Variants in ASIC2 observed in about 807,000 individuals in gnomAD.
ASIC2 encodes the protein acid sensing ion channel subunit 2, also known as acid-sensing ion channel 2.
Under a neutral mutation model 57.3 loss-of-function variants are expected in ASIC2, and 25 were observed. The observed-to-expected ratio is 0.44, with a 90% CI of 0.32 to 0.61. ASIC2 has a LOEUF of 0.61. Among genes scored for constraint, ASIC2 ranks in the 20% least tolerant of loss-of-function variants. ASIC2 has a pLI of 0.06. For missense variants in ASIC2, 641 were observed against 738.1 expected (o/e 0.87, Z 1.52); for synonymous variants, 319 against 307.5 (o/e 1.04, Z -0.39).
chr17:33,881,019 A>G (rs1241183728), intron 1 of ASIC2, among the ~76,000 whole-genome samples: 2 of 152,234 alleles, frequency 1.3e-5, no homozygotes, highest in Non-Finnish European at 2.9e-5. Flanking sequence ...CCACATGATT[A>G]TCTCAATAGA....
At chr17:33,964,753 A>G (rs1275142637) in intron 1 of ASIC2, among the ~76,000 whole-genome samples, 1 of 152,166 alleles carries the variant, frequency 6.6e-6, no homozygotes, top group Non-Finnish European at 1.5e-5. Context: ...AAGTTTGTTG[A>G]TAATAGCTTA....
At chr17:33,771,751 A>G (rs1911120580) in intron 1 of ASIC2, among the ~76,000 whole-genome samples, 1 of 152,214 alleles carries the variant, frequency 6.6e-6, no homozygotes, top group African/African-American at 2.4e-5. Context: ...TAATGATTGT[A>G]CATATTTCTG....
intron 1 of ASIC2, among the ~76,000 whole-genome samples, chr17:33,732,229 G>A (rs902790707): frequency 2.0e-5 from 3 of 152,138 alleles, no homozygotes; most frequent in Admixed American, 6.5e-5. Context: ...ACACATAAAA[G>A]GATACAATTA....
chr17:33,833,444 G>A lies in ASIC2; in HGVS notation c.555+322534C>T, dbSNP rs549827460. Among the ~76,000 whole-genome samples, 7 of 152,160 alleles carry A rather than the reference G, an allele frequency of 4.6e-5. No individual in the cohort carries two copies. In the Middle Eastern group the frequency reaches 0.01, roughly 222 times the overall value. On this transcript the variant is annotated intron_variant, in intron 1 of 9. Coordinates refer to the ASIC2 transcript ENST00000359872. ...AGGCTATCTGCATTCCTTTGTAATC[G>A]GGGAGCAGATAGTATACGCTGTTTT...
chr17:33,025,127 C>G (rs1016218949), intron 5 of ASIC2, among the ~76,000 whole-genome samples: 1 of 152,186 alleles, frequency 6.6e-6, no homozygotes, highest in South Asian at 2.1e-4. Flanking sequence ...GGACCTGAGG[C>G]CAGCACTGCC....
At chr17:34,092,790 A>G (rs1910379333) in intron 1 of ASIC2, among the ~76,000 whole-genome samples, 2 of 152,306 alleles carry the variant, frequency 1.3e-5, no homozygotes, top group African/African-American at 4.8e-5. Flanking sequence ...GGCTCTCTAC[A>G]TGACAATACT....
chr17:33,362,519 G>T (rs1402046905), intron 1 of ASIC2, among the ~76,000 whole-genome samples: 1 of 152,244 alleles, frequency 6.6e-6, no homozygotes, highest in African/African-American at 2.4e-5. Context: ...GCAGAGGCCA[G>T]GAGTTTAAAC....
intron 1 of ASIC2, among the ~76,000 whole-genome samples, chr17:33,591,208 A>G (rs1904814335): frequency 6.6e-6 from 1 of 152,162 alleles, no homozygotes; most frequent in South Asian, 2.1e-4. Context: ...TCTGGTTTCT[A>G]CCTATAGTCA....
chr17:33,098,484 G>A (rs1555570134), intron 2 of ASIC2, among the ~76,000 whole-genome samples: 1 of 151,942 alleles, frequency 6.6e-6, no homozygotes, highest in Non-Finnish European at 1.5e-5. Context: ...TCTGGAGGAA[G>A]AAAAAAAATC....
intron 1 of ASIC2, among the ~76,000 whole-genome samples, chr17:33,213,284 G>A (rs1354084340): frequency 6.6e-6 from 1 of 152,220 alleles, no homozygotes; most frequent in East Asian, 1.9e-4. Context: ...AAAAAACCTT[G>A]CTTGGAAAGA....
intron 1 of ASIC2, among the ~76,000 whole-genome samples, chr17:33,946,815 G>A (rs1904389048): frequency 6.6e-6 from 1 of 152,188 alleles, no homozygotes; most frequent in South Asian, 2.1e-4. Context: ...CTTACATATA[G>A]GAAAGAGTAG....
chr17:33,541,540 C>T (rs773743245), intron 1 of ASIC2, among the ~76,000 whole-genome samples: 1 of 152,162 alleles, frequency 6.6e-6, no homozygotes, highest in African/African-American at 2.4e-5. Context: ...CAGGGACTCA[C>T]CTGAGCCCAG....
chr17:33,411,151 A>G (rs1755733180), intron 1 of ASIC2, among the ~76,000 whole-genome samples: 1 of 152,220 alleles, frequency 6.6e-6, no homozygotes, highest in African/African-American at 2.4e-5. Flanking sequence ...ACAGACCACA[A>G]TAAACATAGG....
chr17:34,053,981 A>G (rs1368803975), intron 1 of ASIC2, among the ~76,000 whole-genome samples: 1 of 152,258 alleles, frequency 6.6e-6, no homozygotes, highest in African/African-American at 2.4e-5. Flanking sequence ...TTTCCCCAGC[A>G]TAAGAGACAA....
chr17:33,661,496 T>C (rs1181447069), intron 1 of ASIC2, among the ~76,000 whole-genome samples: 1 of 152,080 alleles, frequency 6.6e-6, no homozygotes, highest in Non-Finnish European at 1.5e-5. Context: ...CCTGGCCAAG[T>C]CTAGTGGCAT....
intron 1 of ASIC2, among the ~76,000 whole-genome samples, chr17:33,999,185 C>T (rs573046109): frequency 6.6e-6 from 1 of 152,134 alleles, no homozygotes; most frequent in Middle Eastern, 3.2e-3. Flanking sequence ...GCTACTCCTG[C>T]TTTTCTTTGG....
chr17:33,923,459 G>T (rs1046972825), intron 1 of ASIC2, among the ~76,000 whole-genome samples: 2 of 152,172 alleles, frequency 1.3e-5, no homozygotes, highest in African/African-American at 4.8e-5. Flanking sequence ...GGTCATACAG[G>T]TTACCAAGGA....
At chr17:33,924,983 C>G (rs1263333324) in intron 1 of ASIC2, among the ~76,000 whole-genome samples, 2 of 152,214 alleles carry the variant, frequency 1.3e-5, no homozygotes, top group Admixed American at 6.5e-5. Context: ...ATCCATCATG[C>G]CCACCTCCCA....
At chr17:33,095,134 G>T (rs953541019) in intron 2 of ASIC2, among the ~76,000 whole-genome samples, 1 of 152,156 alleles carries the variant, frequency 6.6e-6, no homozygotes, top group Non-Finnish European at 1.5e-5. Context: ...TCAACAATTT[G>T]CAGTGTCATC....
Sources: gnomAD v4.1 joint callset for allele counts (sites outside exome capture counted in the v4.1 genomes callset) on GRCh38, gnomAD v4.1.1 for gene constraint, MANE v1.5 for transcripts, NCBI Gene and HGNC (gene_info 2026-07-23, HGNC 2026-07-21) for gene names.